Variants in RBBP8 observed in about 807,000 individuals in gnomAD.
RBBP8 encodes DNA endonuclease RBBP8.
A neutral mutation model predicts 108.3 loss-of-function variants in RBBP8; 88 were observed. That is an observed-to-expected ratio of 0.81 (90% CI 0.68 to 0.97). The LOEUF (loss-of-function observed/expected upper bound fraction) is 0.97. Ranked by LOEUF, RBBP8 falls within the 50% of genes least tolerant of loss-of-function variation. The pLI is 0.00. For missense variants in RBBP8, 1,023 were observed against 1,049.0 expected (o/e 0.98, Z 0.34); for synonymous variants, 332 against 348.2 (o/e 0.95, Z 0.52).
At position 22,959,870 on chromosome 18, in the gene RBBP8, C is replaced by CTTTTTT. The variant is rs35259762; in HGVS notation, c.249-8920_249-8915dup. On this transcript the variant is annotated intron_variant, in intron 4 of 18. Transcript: ENST00000327155. Reference sequence around the variant, plus strand: ...TAAAAATCTATATAAGATGAACTTTCTTTTTTTTTTTTTTTTTTTTTGGTG... The same window carrying CTTTTTT: ...TAAAAATCTATATAAGATGAACTTTCTTTTTTTTTTTTTTTTTTTTTTTTTTTGGTG... Among the ~76,000 whole-genome samples the CTTTTTT allele has an allele frequency of 5.1e-3, 435 of 84,710 alleles. 2 individuals are homozygous for CTTTTTT. The highest frequency in any genetic ancestry group is 8.1e-3 in the Non-Finnish European group (350 of 43,300). 55.6% of individuals were successfully genotyped at this position (84,710 alleles called of 152,430 possible).
At chr18:22,963,964 A>G (rs144693537) in intron 4 of RBBP8, among the ~76,000 whole-genome samples, 1 of 152,322 alleles carries the variant, frequency 6.6e-6, no homozygotes, top group African/African-American at 2.4e-5. Flanking sequence ...TGAGATTTTT[A>G]CATGTCTGAA....
At chr18:22,932,558 A>G (rs1910104363), upstream of RBBP8, among the ~76,000 whole-genome samples, 1 of 152,208 alleles carries the variant, frequency 6.6e-6, no homozygotes, top group Non-Finnish European at 1.5e-5. Context: ...TAAACTTTTA[A>G]AGCCTGTTAA....
At chr18:22,978,515 T>G (rs112709016) in intron 6 of RBBP8, among the ~76,000 whole-genome samples, 3,268 of 152,256 alleles carry the variant, frequency 0.021, 44 homozygotes, top group Middle Eastern at 0.041. Flanking sequence ...TGTTTGTTTT[T>G]TTGTTTTTTC....
rs192482320 is a variant in RBBP8 at position 23,000,897 on chromosome 18, T to A, written c.2144-689T>A. 3.9e-5 allele frequency among the ~76,000 whole-genome samples: 6 copies of A among 152,298 alleles called. No individual in the cohort carries two copies. In the South Asian group the frequency reaches 1.0e-3, roughly 26 times the overall value. ...TATAAGAATCATGATTTAAGAAGTG[T>A]CTTTAAACACTTCATTACATACGTT... On this transcript the variant is annotated intron_variant, in intron 14 of 18. Coordinates refer to ENST00000327155, the MANE Select transcript of RBBP8 (RefSeq NM_002894.3).
At chr18:22,952,506 AAAT>A (rs1296429813) in intron 4 of RBBP8, among the ~76,000 whole-genome samples, 3 of 152,242 alleles carry the variant, frequency 2.0e-5, no homozygotes, top group Non-Finnish European at 4.4e-5. Flanking sequence ...TTTGAAGTTT[AAAT>A]GAGATAATGG....
chr18:23,010,411 G>A (rs1305543856), intron 16 of RBBP8, among the ~76,000 whole-genome samples: 2 of 151,932 alleles, frequency 1.3e-5, no homozygotes, highest in African/African-American at 2.4e-5. Flanking sequence ...AGACCAGCCT[G>A]GGCAACACAG....
chr18:22,989,181 G>A, intron 8 of RBBP8, 40 bp from the exon 9 acceptor site: 1 of 1,443,496 alleles, frequency 6.9e-7, no homozygotes, highest in Non-Finnish European at 9.7e-7. Context: ...TGTAAAATTG[G>A]TTTTATTATT....
intron 4 of RBBP8, among the ~76,000 whole-genome samples, chr18:22,968,507 A>T (rs552256342): frequency 4.8e-4 from 73 of 152,342 alleles, no homozygotes; most frequent in Admixed American, 1.2e-3. Context: ...TTGGTATTAG[A>T]CTAGGGTTCA....
chr18:23,022,622 TA>T (rs67349746), intron 18 of RBBP8, among the ~76,000 whole-genome samples: 19,158 of 80,062 alleles, frequency 0.24, 4,113 homozygotes, highest in Middle Eastern at 0.4. Context: ...TAAAATAAAA[TA>T]AAATAAAATA....
intron 16 of RBBP8, among the ~76,000 whole-genome samples, chr18:23,014,805 G>A (rs1205696994): frequency 6.6e-6 from 1 of 152,092 alleles, no homozygotes; most frequent in Non-Finnish European, 1.5e-5. Flanking sequence ...ACAAATGATA[G>A]TTATGCCTAA....
intron 16 of RBBP8, among the ~76,000 whole-genome samples, chr18:23,014,021 A>G (rs1431095853): frequency 6.6e-6 from 1 of 152,108 alleles, no homozygotes; most frequent in Non-Finnish European, 1.5e-5. Context: ...TTATTTAGAG[A>G]CAGAGTCTCA....
intron 4 of RBBP8, among the ~76,000 whole-genome samples, chr18:22,957,080 C>T (rs949837956): frequency 1.3e-5 from 2 of 152,046 alleles, no homozygotes; most frequent in Non-Finnish European, 2.9e-5. Context: ...TACTTATAAT[C>T]AGGAGATGTA....
At chr18:22,983,906 C>G (rs1003722873) in intron 7 of RBBP8, among the ~76,000 whole-genome samples, 2 of 137,744 alleles carry the variant, frequency 1.5e-5, no homozygotes, top group Non-Finnish European at 3.3e-5. Flanking sequence ...ATGGTGAAAC[C>G]CTGTATGTAC....
chr18:23,006,455 CAGCA>C (rs1567996305), intron 16 of RBBP8, 23 bp downstream of exon 16: 2 of 1,550,942 alleles, frequency 1.3e-6, no homozygotes, highest in African/African-American at 2.7e-5. Context: ...TTATTTATAC[CAGCA>C]ATGTGACTGG....
intron 1 of RBBP8, among the ~76,000 whole-genome samples, chr18:22,936,075 T>G: frequency 6.6e-6 from 1 of 152,160 alleles, no homozygotes; most frequent in Non-Finnish European, 1.5e-5. Flanking sequence ...TTGGGCTCAG[T>G]ATGTTTCACC....
Position 23,009,110 on chromosome 18 carries a change from A to G in RBBP8, c.2357+2678A>G, listed in dbSNP as rs531778855. Among the ~76,000 whole-genome samples the G allele has an allele frequency of 1.5e-3, 231 of 152,130 alleles. 1 individual carries two copies. The highest frequency in any genetic ancestry group is 5.2e-3 in the African/African-American group (215 of 41,512). ...TTTTTTAAGGTAAACTATACTTCAT[A>G]CTGATCGCTCTAACTCAAATTCAGG... On this transcript the variant is annotated intron_variant, in intron 16 of 18. Transcript: ENST00000327155.
chr18:23,008,438 T>C (rs2046096976), intron 16 of RBBP8, among the ~76,000 whole-genome samples: 1 of 152,200 alleles, frequency 6.6e-6, no homozygotes, highest in Non-Finnish European at 1.5e-5. Context: ...CAAATGGTAC[T>C]CTAGCATTCC....
intron 3 of RBBP8, chr18:22,920,867 T>C (rs1909569333): frequency 6.6e-6 from 1 of 152,198 alleles, no homozygotes; most frequent in South Asian, 2.1e-4. Context: ...AAAAGATTCT[T>C]CTGCCTATAA....
chr18:22,954,139 A>T (rs796622889), intron 4 of RBBP8, among the ~76,000 whole-genome samples: 11 of 152,144 alleles, frequency 7.2e-5, no homozygotes, highest in African/African-American at 2.7e-4. Context: ...GCCCCTTCCA[A>T]ATCTCATGTC....
Sources: gnomAD v4.1 joint callset for allele counts (sites outside exome capture counted in the v4.1 genomes callset) on GRCh38, gnomAD v4.1.1 for gene constraint, MANE v1.5 for transcripts, NCBI Gene and HGNC (gene_info 2026-07-23, HGNC 2026-07-21) for gene names.